The following PPIP5K2 variants were observed in gnomAD, a reference collection of about 807,000 sequenced individuals.
The protein encoded by PPIP5K2 is diphosphoinositol pentakisphosphate kinase 2.
PPIP5K2 carries 105 observed loss-of-function variants against 154.6 expected under a neutral mutation model. The observed-to-expected ratio is 0.68, with a 90% CI of 0.58 to 0.80. The LOEUF (loss-of-function observed/expected upper bound fraction) is 0.80. PPIP5K2 is among the 30% of genes least tolerant of loss of function. PPIP5K2 has a pLI of 0.00. For missense variants in PPIP5K2, 992 were observed against 1,504.6 expected (o/e 0.66, Z 5.64); for synonymous variants, 480 against 490.3 (o/e 0.98, Z 0.28).
At chr5:103,152,788 C>T (rs543094097) in intron 10 of PPIP5K2, 39 bp downstream of exon 10, 1 of 1,353,428 alleles carries the variant, frequency 7.4e-7, no homozygotes, top group Non-Finnish European at 1.0e-6. Flanking sequence ...TTGAGTTTTC[C>T]TTGCCATCTG....
intron 29 of PPIP5K2, among the ~76,000 whole-genome samples, chr5:103,191,506 A>G (rs1801228680): frequency 6.6e-6 from 1 of 152,102 alleles, no homozygotes; most frequent in African/African-American, 2.4e-5. Flanking sequence ...AAAGATGTTC[A>G]TGGTTAAATA....
At chr5:103,155,801 G>T (rs937132582) in intron 13 of PPIP5K2, 108 bp from the exon 14 acceptor site, 2 of 753,274 alleles carry the variant, frequency 2.7e-6, no homozygotes, top group Non-Finnish European at 4.5e-6. Context: ...TTTTTTGATA[G>T]AATATTTCGA....
rs782374803 is a variant in PPIP5K2 at position 103,154,893 on chromosome 5, A to C, written c.1353A>C (p.Glu451Asp). The change falls in exon 13 of 31, where the codon GAA becomes GAC. Residue 451 changes from glutamate to aspartate, a missense_variant. Glu to Asp is a conservative substitution (Grantham distance 45, BLOSUM62 2). Coordinates refer to ENST00000358359, the MANE Select transcript of PPIP5K2 (RefSeq NM_001276277.3). ...AGCTAGGGCAAAATAATGATTCTGA[A>C]ATTGAAGAAAACAAGCCAAAACTTG... is the stretch of plus-strand genomic sequence containing the variant. Reference protein sequence around the residue: ...LMELGQNNDSEIEENKPKLEQ... With the variant: ...LMELGQNNDSDIEENKPKLEQ... 1 of 1,606,046 alleles carries C rather than the reference A, an allele frequency of 6.2e-7. No individual in the cohort carries two copies. Among genetic ancestry groups the C allele is most frequent in the Non-Finnish European group, 8.5e-7 (1 of 1,176,616 alleles).
At position 103,187,474 on chromosome 5, in the gene PPIP5K2, C is replaced by T. The variant is rs1433906317; in HGVS notation, c.3352+98C>T. On this transcript the variant is annotated intron_variant, in intron 28 of 30. Transcript: ENST00000358359. Reference sequence around the variant, plus strand: ...GTGGGGTATACAGTATCATTCATTTCTTCATCCTTAATGTCAATTGGCGTA... The same window carrying T: ...GTGGGGTATACAGTATCATTCATTTTTTCATCCTTAATGTCAATTGGCGTA... 4 of 943,554 alleles carry T rather than the reference C, an allele frequency of 4.2e-6. No homozygotes were observed. In the East Asian group the frequency reaches 8.2e-5, roughly 19 times the overall value. 58.4% of individuals were successfully genotyped at this position (943,554 alleles called of 1,614,324 possible). A position where few individuals can be genotyped will look rare whatever the true frequency, so the allele number is the denominator to read the frequency against.
chr5:103,150,795 G>T (rs1794513932), intron 8 of PPIP5K2, among the ~76,000 whole-genome samples: 1 of 141,662 alleles, frequency 7.1e-6, no homozygotes. Context: ...CAGATCACAA[G>T]ATTTCCTCTG....
At chr5:103,178,752 A>AT (rs1410113663) in intron 23 of PPIP5K2, among the ~76,000 whole-genome samples, 1 of 151,670 alleles carries the variant, frequency 6.6e-6, no homozygotes, top group Admixed American at 6.6e-5. Context: ...TATACTTTAT[A>AT]TTTTTTGATA....
At chr5:103,134,204 A>G (rs2149474649) in intron 3 of PPIP5K2, among the ~76,000 whole-genome samples, 1 of 152,264 alleles carries the variant, frequency 6.6e-6, no homozygotes, top group South Asian at 2.1e-4. Context: ...TAATAATTTG[A>G]GATTTTTAGA....
Position 103,152,758 on chromosome 5 carries a change from G to T in PPIP5K2, c.1130+9G>T. On this transcript the variant is annotated intron_variant, in intron 10 of 30. Transcript: ENST00000358359. ...ACTACATCTGGAACTATGTAAGTCT[G>T]AATTATTTTCATTTAGAAATTGAGT... is the stretch of plus-strand genomic sequence containing the variant. 6.6e-7 allele frequency: 1 copy of T among 1,504,282 alleles called. No individual in the cohort carries two copies. The highest frequency in any genetic ancestry group is 1.4e-5 in the African/African-American group (1 of 71,824). 93.2% of individuals were successfully genotyped at this position (1,504,282 alleles called of 1,614,324 possible).
At chr5:103,189,935 T>A (rs1800963564) in intron 28 of PPIP5K2, among the ~76,000 whole-genome samples, 1 of 152,050 alleles carries the variant, frequency 6.6e-6, no homozygotes, top group Non-Finnish European at 1.5e-5. Flanking sequence ...CTGCGGGAAA[T>A]TAATTTGAAT....
At chr5:103,168,549 G>A in intron 19 of PPIP5K2, among the ~76,000 whole-genome samples, 1 of 151,718 alleles carries the variant, frequency 6.6e-6, no homozygotes, top group Non-Finnish European at 1.5e-5. Flanking sequence ...TATGTTCACA[G>A]CAAAATCAAA....
chr5:103,161,714 T>C (rs1219381092), intron 17 of PPIP5K2, among the ~76,000 whole-genome samples: 1 of 152,330 alleles, frequency 6.6e-6, no homozygotes, highest in East Asian at 1.9e-4. Context: ...TGGCCAGTGA[T>C]GATGAGCCAT....
Position 103,204,689 on chromosome 5 carries a change from A to C in PPIP5K2, c.*3055A>C, listed in dbSNP as rs1426732515. ...CATAGAAACAGGTTTCCCTCTGTAC[A>C]TAATCGTAGGTACCAAAATATTACT... On this transcript the variant is annotated 3_prime_UTR_variant, in exon 31 of 31. Transcript: ENST00000358359. 6.6e-6 allele frequency: 1 copy of C among 152,136 alleles called. No homozygotes were observed. The highest frequency in any genetic ancestry group is 2.4e-5 in the African/African-American group (1 of 41,422). The allele number at this position is 152,136 out of a possible 1,614,324, so 9.4% of individuals were successfully genotyped here.
chr5:103,211,907 T>C lies in PPIP5K2; in HGVS notation c.*10273T>C, dbSNP rs1254048152. 1 of 152,154 alleles carries C rather than the reference T, an allele frequency of 6.6e-6. No individual in the cohort carries two copies. The highest frequency in any genetic ancestry group is 1.5e-5 in the Non-Finnish European group (1 of 67,982). 9.4% of individuals were successfully genotyped at this position (152,154 alleles called of 1,614,324 possible). ...ATAAAATATTTATTTTGGAAATATA[T>C]GTTACAGGTGAAAAGCAAGAATTAA... is the stretch of plus-strand genomic sequence containing the variant. On this transcript the variant is annotated 3_prime_UTR_variant, in exon 31 of 31. Transcript: ENST00000358359.
chr5:103,167,558 C>T (rs1300813691), intron 18 of PPIP5K2, among the ~76,000 whole-genome samples: 10 of 151,812 alleles, frequency 6.6e-5, no homozygotes, highest in Non-Finnish European at 1.2e-4. Context: ...TGCAGCATTG[C>T]TATATAGTTA....
At position 103,129,520 on chromosome 5, in the gene PPIP5K2, T is replaced by C; in HGVS notation, c.-70T>C. 7.8e-7 allele frequency: 1 copy of C among 1,285,372 alleles called. No individual in the cohort carries two copies. Among genetic ancestry groups the C allele is most frequent in the African/African-American group, 1.5e-5 (1 of 66,032 alleles). The allele number at this position is 1,285,372 out of a possible 1,614,324, so 79.6% of individuals were successfully genotyped here. ...CTAATATATGGAGAATGCTTTCTTC[T>C]GATACTATTTACTTAGAGGCAGTTT... On this transcript the variant is annotated 5_prime_UTR_variant, in exon 2 of 31. The change abolishes the stop of an existing upstream ORF in the 5' untranslated region. Transcript: ENST00000358359.
intron 1 of PPIP5K2, among the ~76,000 whole-genome samples, chr5:103,129,059 G>A (rs762730534): frequency 6.6e-6 from 1 of 152,062 alleles, no homozygotes; most frequent in African/African-American, 2.4e-5. Context: ...GGAATTTAAT[G>A]TGTAGTCTTT....
chr5:103,154,702 A>G lies in PPIP5K2; in HGVS notation c.1250A>G (p.Tyr417Cys). 2 of 1,577,418 alleles carry G rather than the reference A, an allele frequency of 1.3e-6. No homozygotes were observed. The highest frequency in any genetic ancestry group is 1.4e-5 in the African/African-American group (1 of 73,982). ...GATCTTTTTGAAAAGTGTGATGGAT[A>G]TAAATCAGGGAAATTAAAACTCAAA... ...FFDLFEKCDG[Y>C]KSGKLKLKKP... is the part of the protein sequence containing the mutation. Residue 417 changes from tyrosine to cysteine, a missense_variant, in exon 12 of 31, where the codon TAT becomes TGT. Transcript: ENST00000358359.
At position 103,120,378 on chromosome 5, in the gene PPIP5K2, A is replaced by T; in HGVS notation, c.-395A>T. ...AGCCTACGTCCACGCCTACAACTGA[A>T]GTCTCTTGACAAACACCTCACCCCT... On this transcript the variant is annotated 5_prime_UTR_variant, in exon 1 of 31. In the 5' UTR this introduces an upstream ATG that the reference lacks. Coordinates refer to ENST00000358359, the MANE Select transcript of PPIP5K2 (RefSeq NM_001276277.3). 2.2e-6 allele frequency: 1 copy of T among 456,398 alleles called. No individual in the cohort carries two copies. The allele number at this position is 456,398 out of a possible 1,614,324, so 28.3% of individuals were successfully genotyped here. A position where few individuals can be genotyped will look rare whatever the true frequency, so the allele number is the denominator to read the frequency against.
intron 5 of PPIP5K2, among the ~76,000 whole-genome samples, chr5:103,140,942 T>C (rs113075753): frequency 0.016 from 2,441 of 152,298 alleles, 39 homozygotes; most frequent in South Asian, 0.065. Context: ...GGAATTTTTC[T>C]GTCCTTATAG....
Sources: allele counts gnomAD v4.1 joint callset (sites outside exome capture counted in the v4.1 genomes callset), GRCh38; gene constraint gnomAD v4.1.1; transcripts MANE v1.5; gene names NCBI Gene and HGNC (gene_info 2026-07-23, HGNC 2026-07-21).